ESR2: variants seen among roughly 807,000 people sequenced by gnomAD.
The protein encoded by ESR2 is estrogen receptor beta.
Under a neutral mutation model 49.6 loss-of-function variants are expected in ESR2, and 36 were observed. That is an observed-to-expected ratio of 0.73 (90% CI 0.56 to 0.96). The LOEUF (loss-of-function observed/expected upper bound fraction) is 0.96. ESR2 is among the 40% of genes least tolerant of loss of function. ESR2 has a pLI of 0.00. For missense variants in ESR2, 714 were observed against 693.0 expected (o/e 1.03, Z -0.34); for synonymous variants, 320 against 266.1 (o/e 1.20, Z -1.97).
chr14:64,274,197 C>T (rs545497457), intron 3 of ESR2, among the ~76,000 whole-genome samples: 1 of 152,042 alleles, frequency 6.6e-6, no homozygotes, highest in African/African-American at 2.4e-5. Context: ...ATCCTCCTGC[C>T]TTGGCTTCCC....
chr14:64,306,170 C>G (rs1343128385), intron 1 of ESR2, among the ~76,000 whole-genome samples: 1 of 151,228 alleles, frequency 6.6e-6, no homozygotes, highest in Non-Finnish European at 1.5e-5. Context: ...CCATTGCACT[C>G]CAGCCTGGGT....
At chr14:64,288,843 G>A (rs373812800) in intron 1 of ESR2, among the ~76,000 whole-genome samples, 13 of 151,586 alleles carry the variant, frequency 8.6e-5, no homozygotes, top group South Asian at 6.3e-4. Context: ...AAAATTAGCC[G>A]GGTGTGGCAG....
downstream of ESR2, chr14:64,227,283 A>C: frequency 1.9e-6 from 1 of 515,600 alleles, no homozygotes; most frequent in Non-Finnish European, 3.4e-6. Flanking sequence ...CATGGGTGAG[A>C]CATCTGCAAG....
intron 3 of ESR2, among the ~76,000 whole-genome samples, chr14:64,272,884 GT>G (rs1365206943): frequency 5.9e-5 from 9 of 151,986 alleles, no homozygotes; most frequent in African/African-American, 2.2e-4. Flanking sequence ...TTTTAGGGTT[GT>G]TTTTTCTATT....
rs1213549842 is a variant in ESR2, at chr14:64,294,213, G to C, written c.-271C>G. On this transcript the variant is annotated 5_prime_UTR_variant, in exon 1 of 9. Transcript: ENST00000341099. ...GCAGCCCCAGAGCCCGTCGCAGCTC[G>C]GGTGGTCCCTCCCCGGCCCAGCGCT... 2 of 152,242 alleles carry C rather than the reference G, an allele frequency of 1.3e-5. No homozygotes were observed. The highest frequency in any genetic ancestry group is 4.8e-5 in the African/African-American group (2 of 41,450). 9.4% of individuals were successfully genotyped at this position (152,242 alleles called of 1,614,324 possible).
chr14:64,286,144 C>T (rs911152862), intron 1 of ESR2, among the ~76,000 whole-genome samples: 5 of 152,048 alleles, frequency 3.3e-5, no homozygotes, highest in African/African-American at 1.2e-4. Context: ...GGAACTAACA[C>T]CAAAGTGGTA....
chr14:64,318,537 C>CAAAAAAAAAAAAA (rs58597271), intron 1 of ESR2, among the ~76,000 whole-genome samples: 5 of 32,428 alleles, frequency 1.5e-4, no homozygotes, highest in Admixed American at 5.5e-4. Flanking sequence ...AACTCCATCT[C>CAAAAAAAAAAAAA]AAAAAAAAAA....
At chr14:64,266,694 G>C (rs536844524) in intron 4 of ESR2, among the ~76,000 whole-genome samples, 10 of 152,274 alleles carry the variant, frequency 6.6e-5, no homozygotes, top group African/African-American at 2.4e-4. Flanking sequence ...ATACACATAA[G>C]ATATTATCTC....
At chr14:64,333,947 T>C (rs189857354) in intron 1 of ESR2, among the ~76,000 whole-genome samples, 20 of 152,204 alleles carry the variant, frequency 1.3e-4, no homozygotes, top group Admixed American at 3.9e-4. Context: ...ATATTTTATA[T>C]ATAAATATAT....
chr14:64,251,321 AAC>A (rs950498306), intron 6 of ESR2, among the ~76,000 whole-genome samples: 7 of 150,746 alleles, frequency 4.6e-5, no homozygotes, highest in East Asian at 1.9e-4. Flanking sequence ...AAAAAAAAAA[AAC>A]AAAAAAACCC....
At chr14:64,315,750 G>A (rs1045718180) in intron 1 of ESR2, among the ~76,000 whole-genome samples, 3 of 152,058 alleles carry the variant, frequency 2.0e-5, no homozygotes, top group African/African-American at 7.2e-5. Flanking sequence ...TGCCTCCCAG[G>A]TTCAAGCAAT....
At chr14:64,260,838 G>T (rs2076206013) in intron 4 of ESR2, 90 bp from the exon 5 acceptor site, 1 of 1,221,678 alleles carries the variant, frequency 8.2e-7, no homozygotes, top group African/African-American at 1.6e-5. Context: ...GAGCCTGTGG[G>T]GCACGTACCA....
At chr14:64,247,332 AAAACAAAC>A (rs143367822) in intron 7 of ESR2, among the ~76,000 whole-genome samples, 2 of 151,212 alleles carry the variant, frequency 1.3e-5, no homozygotes, top group African/African-American at 2.4e-5. Flanking sequence ...GCTCTGTCTC[AAAACAAAC>A]AAACAAACAA....
At chr14:64,280,748 G>A (rs2140811944) in intron 2 of ESR2, among the ~76,000 whole-genome samples, 1 of 152,334 alleles carries the variant, frequency 6.6e-6, no homozygotes, top group East Asian at 1.9e-4. Context: ...AATGGTTCAT[G>A]CCTGTAATCC....
intron 1 of ESR2, among the ~76,000 whole-genome samples, chr14:64,299,511 C>A (rs1478289689): frequency 6.6e-6 from 1 of 151,772 alleles, no homozygotes; most frequent in Non-Finnish European, 1.5e-5. Context: ...AGGCACCCAC[C>A]ACCACACCCG....
At chr14:64,282,056 T>A (rs756121254) in intron 2 of ESR2, among the ~76,000 whole-genome samples, 1 of 152,188 alleles carries the variant, frequency 6.6e-6, no homozygotes, top group Non-Finnish European at 1.5e-5. Context: ...GTGACTTAAG[T>A]TCAGACCAGG....
At chr14:64,244,947 T>C (rs1299738571) in intron 7 of ESR2, among the ~76,000 whole-genome samples, 1 of 152,194 alleles carries the variant, frequency 6.6e-6, no homozygotes, top group Admixed American at 6.5e-5. Flanking sequence ...TTTGTGTCCC[T>C]CCTCCTGGGG....
rs71123836 is a variant in ESR2, at chr14:64,246,734, C to CAAAAAAAAAAAAAAAAAAAAA, written c.1225+2791_1225+2811dup. ...CCTGGCCAACACAGGAAGACTCTGT[C>CAAAAAAAAAAAAAAAAAAAAA]AAAAAAAAAAAAAAAAAAAAAAAAA... On this transcript the variant is annotated intron_variant, in intron 7 of 8. Transcript: ENST00000341099. Among the ~76,000 whole-genome samples, 12 of 36,452 alleles carry CAAAAAAAAAAAAAAAAAAAAA rather than the reference C, an allele frequency of 3.3e-4. 1 individual carries two copies. The highest frequency in any genetic ancestry group is 1.1e-3 in the African/African-American group (9 of 7,860). The allele number at this position is 36,452 out of a possible 152,430, so 23.9% of individuals were successfully genotyped here. A position where few individuals can be genotyped will look rare whatever the true frequency, so the allele number is the denominator to read the frequency against.
chr14:64,260,205 A>G, intron 5 of ESR2: 1 of 736,760 alleles, frequency 1.4e-6, no homozygotes, highest in Non-Finnish European at 2.5e-6. Flanking sequence ...TTTCTGCACT[A>G]CCATGTTGGG....
Sources: gnomAD v4.1 joint callset for allele counts (sites outside exome capture counted in the v4.1 genomes callset) on GRCh38, gnomAD v4.1.1 for gene constraint, MANE v1.5 for transcripts, NCBI Gene and HGNC (gene_info 2026-07-23, HGNC 2026-07-21) for gene names.